The following ANXA3 variants were observed in gnomAD, a reference collection of about 807,000 sequenced individuals.
The protein encoded by ANXA3 is annexin A3, also known as 35-alpha calcimedin.
In ANXA3, 46 loss-of-function variants were observed where a neutral mutation model predicts 48.8. The ratio of observed to expected loss-of-function variants is 0.94; its 90% CI spans 0.74 to 1.21. ANXA3 has a LOEUF of 1.21. ANXA3 is among the 50% of genes most tolerant of loss of function. The pLI is 0.00. For synonymous variants in ANXA3, 128 were observed against 134.7 expected (o/e 0.95, Z 0.35); for missense variants, 383 against 378.6 (o/e 1.01, Z -0.10).
intron 10 of ANXA3, among the ~76,000 whole-genome samples, chr4:78,600,544 A>T (rs565913654): frequency 3.1e-4 from 47 of 152,274 alleles, no homozygotes; most frequent in Admixed American, 1.2e-3. Flanking sequence ...TTGTCAGAGA[A>T]CTTCATGTAA....
At chr4:78,605,237 G>C (rs891571710) in intron 12 of ANXA3, among the ~76,000 whole-genome samples, 6 of 152,116 alleles carry the variant, frequency 3.9e-5, no homozygotes, top group Non-Finnish European at 5.9e-5. Flanking sequence ...TCCTGGGCTC[G>C]AGCAGTCCTC....
At chr4:78,569,030 A>T (rs894053757) in intron 2 of ANXA3, among the ~76,000 whole-genome samples, 2 of 152,260 alleles carry the variant, frequency 1.3e-5, no homozygotes, top group South Asian at 4.1e-4. Flanking sequence ...TTGAATAAGC[A>T]AATGCAGGAA....
intron 1 of ANXA3, among the ~76,000 whole-genome samples, chr4:78,553,261 T>C (rs1461199514): frequency 6.6e-6 from 1 of 152,234 alleles, no homozygotes; most frequent in Non-Finnish European, 1.5e-5. Context: ...AGCTTCTTCA[T>C]ATGCAAAACG....
At chr4:78,608,102 G>A (rs192504651) in intron 12 of ANXA3, among the ~76,000 whole-genome samples, 23 of 152,088 alleles carry the variant, frequency 1.5e-4, no homozygotes, top group Admixed American at 3.9e-4. Flanking sequence ...TATGTGCTAG[G>A]CTCAGGGTTA....
chr4:78,573,723 G>A (rs765279862), intron 3 of ANXA3, among the ~76,000 whole-genome samples: 4 of 152,180 alleles, frequency 2.6e-5, no homozygotes, highest in Non-Finnish European at 5.9e-5. Context: ...ACCAAGGGGT[G>A]GAATAGTCAT....
At chr4:78,599,042 A>C (rs1723485410) in intron 10 of ANXA3, among the ~76,000 whole-genome samples, 1 of 152,200 alleles carries the variant, frequency 6.6e-6, no homozygotes, top group African/African-American at 2.4e-5. Context: ...AAGACCTTAT[A>C]ATTCAATTGA....
intron 6 of ANXA3, among the ~76,000 whole-genome samples, chr4:78,588,963 C>T: frequency 6.6e-6 from 1 of 152,146 alleles, no homozygotes; most frequent in Non-Finnish European, 1.5e-5. Flanking sequence ...GCACTGTTTC[C>T]CAAGTTGGCT....
chr4:78,604,476 T>C, intron 12 of ANXA3, 77 bp downstream of exon 12: 1 of 1,226,858 alleles, frequency 8.2e-7, no homozygotes, highest in Middle Eastern at 2.5e-4. Context: ...TGCCTTAAAA[T>C]ATAAAGATAT....
At chr4:78,564,085 T>C (rs556023363) in intron 2 of ANXA3, among the ~76,000 whole-genome samples, 2 of 152,354 alleles carry the variant, frequency 1.3e-5, no homozygotes, top group South Asian at 4.1e-4. Context: ...TATAATCTGC[T>C]TTAAACAAAT....
intron 3 of ANXA3, among the ~76,000 whole-genome samples, 164 bp downstream of exon 3, chr4:78,573,431 T>C (rs746299817): frequency 9.9e-5 from 15 of 152,232 alleles, no homozygotes; most frequent in Non-Finnish European, 1.9e-4. Flanking sequence ...CCAGTTTTAT[T>C]AAATCTTAAC....
In ANXA3 at chr4:78,591,622, A is replaced by T; in HGVS notation, c.482A>T (p.Asp161Val). The change falls in exon 7 of 13, where the codon GAT becomes GTT. Residue 161 changes from aspartate (D) to valine (V), a missense_variant and splice_region_variant. Physicochemically the swap from Asp to Val is radical, Grantham distance 152. Transcript: ENST00000264908. ...CGGAAAGCTCTGTTGACTTTGGCAG[A>T]TGTAAGGTTTTATTTTTTATTTTTT... ...DFRKALLTLA[D>V]GRRDESLKVD... 1 of 1,611,630 alleles carries T rather than the reference A, an allele frequency of 6.2e-7. No individual in the cohort carries two copies. The highest frequency in any genetic ancestry group is 8.5e-7 in the Non-Finnish European group (1 of 1,178,262).
intron 2 of ANXA3, among the ~76,000 whole-genome samples, chr4:78,567,797 A>T (rs1722762036): frequency 6.6e-6 from 1 of 152,190 alleles, no homozygotes; most frequent in Non-Finnish European, 1.5e-5. Context: ...GGTAGTCAGG[A>T]GGGCAGAATA....
chr4:78,585,244 A>C (rs1204799547), intron 5 of ANXA3, among the ~76,000 whole-genome samples: 3 of 152,334 alleles, frequency 2.0e-5, no homozygotes, highest in Non-Finnish European at 2.9e-5. Context: ...GTATTAGAAC[A>C]GTTTCTCTTT....
At chr4:78,561,905 G>A (rs1426146289) in intron 2 of ANXA3, among the ~76,000 whole-genome samples, 1 of 152,304 alleles carries the variant, frequency 6.6e-6, no homozygotes, top group Non-Finnish European at 1.5e-5. Context: ...TTTAAGCTTT[G>A]TTTTGGGACA....
At position 78,562,704 on chromosome 4, in the gene ANXA3, T is replaced by C. The variant is rs184563358; in HGVS notation, c.15+8216T>C. On this transcript the variant is annotated intron_variant, in intron 2 of 12. Transcript: ENST00000264908. ...TTTATTAGGGAAGACAGACAATAAA[T>C]GAAGAAATAAATGTACAGTATAAAA... Among the ~76,000 whole-genome samples, 400 of 152,198 alleles carry C rather than the reference T, an allele frequency of 2.6e-3. 2 individuals are homozygous for C. Among genetic ancestry groups the C allele is most frequent in the African/African-American group, 8.5e-3 (354 of 41,520 alleles).
chr4:78,579,060 CTG>C lies in ANXA3; in HGVS notation c.138_139del (p.Arg48ValfsTer10). 6.2e-7 allele frequency: 1 copy of C among 1,612,588 alleles called. No individual in the cohort carries two copies. The highest frequency in any genetic ancestry group is 1.3e-5 in the African/African-American group (1 of 75,000). On this transcript the variant is annotated frameshift_variant, in exon 4 of 13. Transcript: ENST00000264908. LOFTEE classifies it high-confidence loss of function. Reference sequence around the variant, plus strand: ...GAGAAAATGCTCATCAGCATTCTGACTGAGAGGTCAAATGCACAGCGGCAGCT... The same window carrying C: ...GAGAAAATGCTCATCAGCATTCTGACAGAGGTCAAATGCACAGCGGCAGCT...
In ANXA3 at chr4:78,554,497, AAATT is replaced by A; in HGVS notation, c.15+12_15+15del. 1 of 1,612,874 alleles carries A rather than the reference AAATT, an allele frequency of 6.2e-7. No individual in the cohort carries two copies. Among genetic ancestry groups the A allele is most frequent in the Non-Finnish European group, 8.5e-7 (1 of 1,179,226 alleles). The stretch of plus-strand genomic sequence containing the variant: ...TCATGGCATCTATCTGGGTAAGTAA[AAATT>A]AAGCCTTCACAACACAGTAACATAT... On this transcript the variant is annotated intron_variant, in intron 2 of 12. Transcript: ENST00000264908.
intron 3 of ANXA3, among the ~76,000 whole-genome samples, chr4:78,575,717 T>A (rs1320813605): frequency 1.3e-5 from 2 of 152,248 alleles, no homozygotes; most frequent in African/African-American, 4.8e-5. Flanking sequence ...TTTTATTGCA[T>A]AGAAGTTTTA....
intron 10 of ANXA3, among the ~76,000 whole-genome samples, chr4:78,598,498 C>A (rs1466226963): frequency 1.3e-5 from 2 of 152,066 alleles, no homozygotes. Context: ...GGTAATGATA[C>A]ACCTGGTTAA....
Sources: gnomAD v4.1 joint callset for allele counts (sites outside exome capture counted in the v4.1 genomes callset) on GRCh38, gnomAD v4.1.1 for gene constraint, MANE v1.5 for transcripts, NCBI Gene and HGNC (gene_info 2026-07-23, HGNC 2026-07-21) for gene names.